ATXN7: variants seen among roughly 807,000 people sequenced by gnomAD.
ATXN7 encodes the protein ataxin-7.
Under a neutral mutation model 70.5 loss-of-function variants are expected in ATXN7, and 12 were observed. That is an observed-to-expected ratio of 0.17 (90% CI 0.11 to 0.28). ATXN7 has a LOEUF of 0.28. ATXN7 is among the 10% of genes least tolerant of loss of function. ATXN7 has a pLI of 1.00. For missense variants in ATXN7, 1,256 were observed against 1,131.7 expected (o/e 1.11, Z -1.58); for synonymous variants, 498 against 448.7 (o/e 1.11, Z -1.39).
chr3:63,863,305 T>A, upstream of ATXN7: 1 of 359,980 alleles, frequency 2.8e-6, no homozygotes, highest in Non-Finnish European at 3.9e-6. Context: ...GAGCTCCCAC[T>A]CCCTCCCAGA....
intron 1 of ATXN7, among the ~76,000 whole-genome samples, chr3:63,874,251 A>G (rs913354371): frequency 1.3e-5 from 2 of 152,224 alleles, no homozygotes; most frequent in African/African-American, 2.4e-5. Context: ...ACCCAGTGAG[A>G]TAAAGTTTAT....
At chr3:63,878,227 T>G (rs1702801755) in intron 1 of ATXN7, among the ~76,000 whole-genome samples, 1 of 152,196 alleles carries the variant, frequency 6.6e-6, no homozygotes, top group African/African-American at 2.4e-5. Context: ...TTGTTGGTAT[T>G]CAGTGTGAAA....
At chr3:63,900,334 A>G (rs906393400) in intron 2 of ATXN7, among the ~76,000 whole-genome samples, 7 of 152,230 alleles carry the variant, frequency 4.6e-5, no homozygotes, top group African/African-American at 1.7e-4. Context: ...CACGTAAAAG[A>G]TAATATTTTT....
chr3:63,939,519 C>G (rs1455956249), intron 4 of ATXN7, among the ~76,000 whole-genome samples: 1 of 152,098 alleles, frequency 6.6e-6, no homozygotes, highest in Admixed American at 6.5e-5. Context: ...TAAGCACTAA[C>G]GAATGTCAGA....
chr3:63,954,320 A>G (rs569694418), intron 5 of ATXN7, among the ~76,000 whole-genome samples: 1 of 152,328 alleles, frequency 6.6e-6, no homozygotes, highest in East Asian at 1.9e-4. Flanking sequence ...CGGATTGGCA[A>G]CAAGGTTGAC....
rs2075750042 is a variant in ATXN7 at position 63,995,862 on chromosome 3, G to A, written c.2040G>A (p.Leu680=). Residue 680 remains leucine (L), a synonymous_variant, in exon 12 of 13, where the codon TTG becomes TTA. Transcript: ENST00000674280. ...KPQKLKSSKS[L]RPKESSGNST... ...AGAAATTGAAATCCAGCAAATCTTT[G>A]AGGCCCAAGGAGTCTTCTGGTAACA... The A allele has an allele frequency of 6.2e-7, 1 of 1,614,042 alleles. No homozygotes were observed. Among genetic ancestry groups the A allele is most frequent in the Admixed American group, 1.7e-5 (1 of 60,010 alleles).
intron 1 of ATXN7, among the ~76,000 whole-genome samples, chr3:63,891,425 C>A (rs561845479): frequency 6.6e-6 from 1 of 151,394 alleles, no homozygotes; most frequent in Non-Finnish European, 1.5e-5. Context: ...CTCAAGTGAT[C>A]CTCCTGCCTC....
intron 4 of ATXN7, among the ~76,000 whole-genome samples, chr3:63,914,979 G>C (rs963718337): frequency 2.6e-5 from 4 of 151,488 alleles, no homozygotes; most frequent in Admixed American, 2.6e-4. Context: ...GCAGTGGTGC[G>C]ATCTTGGCTC....
intron 4 of ATXN7, among the ~76,000 whole-genome samples, chr3:63,941,977 C>T (rs907752359): frequency 3.3e-5 from 5 of 152,312 alleles, no homozygotes; most frequent in East Asian, 3.9e-4. Flanking sequence ...AAACCTGTTA[C>T]GTGGAGACCA....
At chr3:63,869,692 T>C (rs1258474308) in intron 1 of ATXN7, among the ~76,000 whole-genome samples, 2 of 152,212 alleles carry the variant, frequency 1.3e-5, no homozygotes, top group African/African-American at 4.8e-5. Context: ...CCCAAAGTGC[T>C]GGGATTACAG....
intron 5 of ATXN7, among the ~76,000 whole-genome samples, chr3:63,974,416 C>G (rs889459213): frequency 6.6e-6 from 1 of 152,224 alleles, no homozygotes; most frequent in African/African-American, 2.4e-5. Context: ...ACCTTTATCC[C>G]TGCCCCTCCA....
chr3:63,882,403 T>G (rs78540058), intron 1 of ATXN7, among the ~76,000 whole-genome samples: 2,058 of 148,100 alleles, frequency 0.014, 39 homozygotes, highest in African/African-American at 0.046. Flanking sequence ...TTTTTTTTTT[T>G]GGGTCGGAGT....
intron 5 of ATXN7, among the ~76,000 whole-genome samples, chr3:63,964,535 G>A (rs1291914233): frequency 4.6e-5 from 7 of 152,164 alleles, no homozygotes; most frequent in Admixed American, 4.6e-4. Flanking sequence ...TGTAAATCAG[G>A]CCATGAAGAT....
chr3:63,976,860 T>C (rs1194052544), intron 5 of ATXN7, among the ~76,000 whole-genome samples: 1 of 152,124 alleles, frequency 6.6e-6, no homozygotes, highest in African/African-American at 2.4e-5. Context: ...CATAGGAACC[T>C]AATGAAAAGG....
At chr3:63,881,527 C>T (rs573507774) in intron 1 of ATXN7, among the ~76,000 whole-genome samples, 47 of 136,508 alleles carry the variant, frequency 3.4e-4, no homozygotes, top group African/African-American at 1.2e-3. Flanking sequence ...CTCGCTCTGT[C>T]GCCTGGGCTG....
At chr3:63,923,540 C>G (rs1321980437) in intron 4 of ATXN7, among the ~76,000 whole-genome samples, 8 of 152,170 alleles carry the variant, frequency 5.3e-5, no homozygotes, top group African/African-American at 1.9e-4. Flanking sequence ...GGCGTGGTGG[C>G]TCACACTTGT....
At chr3:63,892,418 ACTC>A (rs1703300130) in intron 1 of ATXN7, among the ~76,000 whole-genome samples, 1 of 132,384 alleles carries the variant, frequency 7.6e-6, no homozygotes, top group Non-Finnish European at 1.6e-5. Flanking sequence ...ACACCCGCCA[ACTC>A]CTGTCAACAG....
At chr3:63,922,554 C>T (rs531010150) in intron 4 of ATXN7, among the ~76,000 whole-genome samples, 9 of 152,100 alleles carry the variant, frequency 5.9e-5, no homozygotes, top group African/African-American at 2.2e-4. Flanking sequence ...TTCAAACCCC[C>T]TTTTTTCTGG....
chr3:63,915,267 C>G (rs917996894), intron 4 of ATXN7, among the ~76,000 whole-genome samples: 1 of 152,132 alleles, frequency 6.6e-6, no homozygotes, highest in South Asian at 2.1e-4. Flanking sequence ...CCCTCCTCCC[C>G]CTTTTAAAGT....
Sources: gnomAD v4.1 joint callset for allele counts (sites outside exome capture counted in the v4.1 genomes callset) on GRCh38, gnomAD v4.1.1 for gene constraint, MANE v1.5 for transcripts, NCBI Gene and HGNC (gene_info 2026-07-23, HGNC 2026-07-21) for gene names.